Variants in ARHGEF2 observed in about 807,000 individuals in gnomAD.
The protein encoded by ARHGEF2 is rho guanine nucleotide exchange factor 2.
ARHGEF2 carries 22 observed loss-of-function variants against 121.0 expected under a neutral mutation model. That is an observed-to-expected ratio of 0.18 (90% CI 0.13 to 0.26). The LOEUF is 0.26. Among genes scored for constraint, ARHGEF2 ranks in the 10% least tolerant of loss-of-function variants. ARHGEF2 has a pLI of 1.00. For missense variants in ARHGEF2, 907 were observed against 1,336.0 expected (o/e 0.68, Z 5.01); for synonymous variants, 487 against 530.0 (o/e 0.92, Z 1.11).
At chr1:155,956,697 C>A (rs1337767345) in intron 13 of ARHGEF2, among the ~76,000 whole-genome samples, 1 of 151,756 alleles carries the variant, frequency 6.6e-6, no homozygotes, top group Non-Finnish European at 1.5e-5. Flanking sequence ...GTGGCTCATG[C>A]CTGTAATCCC....
Position 155,950,514 on chromosome 1 carries a change from C to A in ARHGEF2, c.2704-32G>T. The A allele has an allele frequency of 6.2e-7, 1 of 1,605,186 alleles. No individual in the cohort carries two copies. Among genetic ancestry groups the A allele is most frequent in the Non-Finnish European group, 8.5e-7 (1 of 1,174,064 alleles). ...ACAGTGGGCAGGAAGAACAGCAGGT[C>A]AGGGACTGAGTAGTGTGAAGATTGG... On this transcript the variant is annotated intron_variant, in intron 20 of 21. Transcript: ENST00000361247. The surrounding 1 kb of genome is among the most constrained non-coding windows in gnomAD (Gnocchi z 5.2).
chr1:155,950,503 G>C lies in ARHGEF2; in HGVS notation c.2704-21C>G. The stretch of plus-strand genomic sequence containing the variant: ...CTGGGCTGTGGACAGTGGGCAGGAA[G>C]AACAGCAGGTCAGGGACTGAGTAGT... On this transcript the variant is annotated intron_variant, in intron 20 of 21. Transcript: ENST00000361247. The surrounding 1 kb of genome is among the most constrained non-coding windows in gnomAD (Gnocchi z 5.2). 2 of 1,610,668 alleles carry C rather than the reference G, an allele frequency of 1.2e-6. No individual in the cohort carries two copies. Among genetic ancestry groups the C allele is most frequent in the Admixed American group, 1.7e-5 (1 of 60,020 alleles).
rs56298746 is a variant in ARHGEF2 at position 155,970,462 on chromosome 1, G to A, written c.64-1162C>T. 6.3e-3 allele frequency: 6,244 copies of A among 985,416 alleles called. 41 individuals are homozygous for A. Among genetic ancestry groups the A allele is most frequent in the South Asian group, 0.026 (547 of 21,282 alleles). 61.0% of individuals were successfully genotyped at this position (985,416 alleles called of 1,614,324 possible). On this transcript the variant is annotated intron_variant, in intron 1 of 21. Coordinates refer to ENST00000361247, the MANE Select transcript of ARHGEF2 (RefSeq NM_001162383.2). ...ACTCTGATCTCTGGATTTTCCCTCC[G>A]CTCTTGGAGCAGGACTAGAAGCTGA... is the stretch of plus-strand genomic sequence containing the variant.
In ARHGEF2 at chr1:155,963,163, G is replaced by A; in HGVS notation, c.745C>T (p.His249Tyr). 1 of 1,611,730 alleles carries A rather than the reference G, an allele frequency of 6.2e-7. No homozygotes were observed. Among genetic ancestry groups the A allele is most frequent in the African/African-American group, 1.3e-5 (1 of 74,958 alleles). ...ATGATCTTCAGTGTCCTCACATGGT[G>A]CAGCTCTGTCTGGATTAGCTCTGTG... ...VIYELIQTEL[H>Y]HVRTLKIMTR... The change falls in exon 8 of 22, where the codon CAC (histidine) becomes TAC (tyrosine). Residue 249 changes from histidine (H) to tyrosine (Y), a missense_variant. Physicochemically the swap from His to Tyr is moderately conservative, Grantham distance 83. Transcript: ENST00000361247.
chr1:155,955,188 C>T lies in ARHGEF2; in HGVS notation c.1716-219G>A, dbSNP rs148932889. Among the ~76,000 whole-genome samples the T allele has an allele frequency of 1.2e-4, 18 of 151,906 alleles. 1 individual carries two copies. The East Asian group carries it at 3.1e-3, about 26-fold the overall frequency. ...TGTCACCCAGGCTGGAGTGCAAGGG[C>T]GCTATCTCAGCTCACTACAACCTCC... On this transcript the variant is annotated intron_variant, in intron 13 of 21. Coordinates refer to ENST00000361247, the MANE Select transcript of ARHGEF2 (RefSeq NM_001162383.2).
intron 11 of ARHGEF2, among the ~76,000 whole-genome samples, chr1:155,960,014 C>T (rs1401875237): frequency 1.3e-5 from 2 of 152,126 alleles, no homozygotes; most frequent in East Asian, 3.8e-4. Flanking sequence ...GACTGAAAGA[C>T]CATCCCTCAC....
Position 155,978,338 on chromosome 1 carries a change from C to T in ARHGEF2, c.63+27G>A, listed in dbSNP as rs772580995. 6.7e-7 allele frequency: 1 copy of T among 1,494,044 alleles called. No individual in the cohort carries two copies. The highest frequency in any genetic ancestry group is 2.6e-5 in the East Asian group (1 of 37,884). The allele number at this position is 1,494,044 out of a possible 1,614,324, so 92.5% of individuals were successfully genotyped here. On this transcript the variant is annotated intron_variant, in intron 1 of 21. Coordinates refer to ENST00000361247, the MANE Select transcript of ARHGEF2 (RefSeq NM_001162383.2). The surrounding 1 kb of genome is among the most constrained non-coding windows in gnomAD (Gnocchi z 4.1). ...TTCGGGGAGCACCCGAGGACCGCGG[C>T]GAAAGGAGAGGGGTTTCCGAGCCCA...
chr1:155,969,507 CG>C (rs1558044309), intron 1 of ARHGEF2: 1 of 1,410,384 alleles, frequency 7.1e-7, no homozygotes, highest in South Asian at 1.5e-5. Flanking sequence ...GCAGCCAGCC[CG>C]GATGGGTTCT....
chr1:155,962,521 C>T lies in ARHGEF2; in HGVS notation c.1101+72G>A. 1 of 1,586,334 alleles carries T rather than the reference C, an allele frequency of 6.3e-7. No individual in the cohort carries two copies. Among genetic ancestry groups the T allele is most frequent in the South Asian group, 1.2e-5 (1 of 86,708 alleles). On this transcript the variant is annotated intron_variant, in intron 9 of 21. Coordinates refer to ENST00000361247, the MANE Select transcript of ARHGEF2 (RefSeq NM_001162383.2). The surrounding 1 kb of genome is among the most constrained non-coding windows in gnomAD (Gnocchi z 5.8). Reference sequence around the variant, plus strand: ...CTGACCTCCATGTGGGTGCAGCTCACAGGCACTACCCCCATGAGTTGGGGA... The same window carrying T: ...CTGACCTCCATGTGGGTGCAGCTCATAGGCACTACCCCCATGAGTTGGGGA...
In ARHGEF2 at chr1:155,947,215, A is replaced by T. The variant is rs1024745780; in HGVS notation, c.*727T>A. On this transcript the variant is annotated 3_prime_UTR_variant, in exon 22 of 22. Transcript: ENST00000361247. The stretch of plus-strand genomic sequence containing the variant: ...CTCTAATTGCCTACGATCTCTTAAA[A>T]ATATAAAACACGTGCAGTTGACTTT... 5.3e-6 allele frequency: 2 copies of T among 376,836 alleles called. No individual in the cohort carries two copies. The highest frequency in any genetic ancestry group is 6.8e-5 in the Admixed American group (2 of 29,370). 23.3% of individuals were successfully genotyped at this position (376,836 alleles called of 1,614,324 possible).
intron 1 of ARHGEF2, among the ~76,000 whole-genome samples, chr1:155,976,597 T>C (rs1455782649): frequency 6.7e-6 from 1 of 148,616 alleles, no homozygotes; most frequent in Non-Finnish European, 1.5e-5. Flanking sequence ...TCCCAGTAGC[T>C]ACCTGCCCCC....
At position 155,973,764 on chromosome 1, in the gene ARHGEF2, GAAAA is replaced by G. The variant is rs1222266144; in HGVS notation, c.64-4468_64-4465del. ...CTGTCTCAAAAAAAAAAAAAGAAAA[GAAAA>G]AAGAAAGAAAGATGGGAGCAATGGC... On this transcript the variant is annotated intron_variant, in intron 1 of 21. Transcript: ENST00000361247. Among the ~76,000 whole-genome samples, 5 of 151,640 alleles carry G rather than the reference GAAAA, an allele frequency of 3.3e-5. No homozygotes were observed. In the East Asian group the frequency reaches 9.7e-4, roughly 29 times the overall value.
At chr1:155,966,671 C>T (rs1679442484) in intron 3 of ARHGEF2, 149 bp downstream of exon 3, 3 of 1,060,552 alleles carry the variant, frequency 2.8e-6, no homozygotes, top group East Asian at 4.8e-5. Context: ...CTACTTGGGG[C>T]CCGAGGCCTG....
chr1:155,966,747 A>C, intron 3 of ARHGEF2, 73 bp downstream of exon 3: 1 of 1,441,104 alleles, frequency 6.9e-7, no homozygotes, highest in Non-Finnish European at 9.8e-7. Context: ...GTAGGGAATG[A>C]ATGGAAAAGG....
Position 155,961,438 on chromosome 1 carries a change from C to T in ARHGEF2, c.1468+223G>A, listed in dbSNP as rs539750711. Among the ~76,000 whole-genome samples, 10 of 152,152 alleles carry T rather than the reference C, an allele frequency of 6.6e-5. No homozygotes were observed. Among genetic ancestry groups the T allele is most frequent in the African/African-American group, 2.2e-4 (9 of 41,510 alleles). On this transcript the variant is annotated intron_variant, in intron 11 of 21. Coordinates refer to ENST00000361247, the MANE Select transcript of ARHGEF2 (RefSeq NM_001162383.2). This position sits in a 1 kb window ranked among gnomAD's most constrained non-coding sequence, Gnocchi z 4.7. Reference sequence around the variant, plus strand: ...TATAGGCGCCCACCACCACGCCCGGCGAATTTTTTGTATTTTCAGTAGAGA... The same window carrying T: ...TATAGGCGCCCACCACCACGCCCGGTGAATTTTTTGTATTTTCAGTAGAGA...
At chr1:155,978,584 G>A (rs947295709), upstream of ARHGEF2, 18 of 1,267,434 alleles carry the variant, frequency 1.4e-5, no homozygotes, top group Middle Eastern at 2.9e-4. The surrounding 1 kb of genome is among the most constrained non-coding windows in gnomAD (Gnocchi z 4.1). Context: ...CCTCAAACCC[G>A]AGTCTCCTCC....
chr1:155,956,247 T>A (rs1466489315), intron 13 of ARHGEF2, among the ~76,000 whole-genome samples: 1 of 151,978 alleles, frequency 6.6e-6, no homozygotes, highest in African/African-American at 2.4e-5. Context: ...TACAAGCTTA[T>A]GCCACCACGC....
chr1:155,956,226 G>A (rs1210690565), intron 13 of ARHGEF2, among the ~76,000 whole-genome samples: 1 of 151,916 alleles, frequency 6.6e-6, no homozygotes, highest in African/African-American at 2.4e-5. Context: ...AGCTTCCCGC[G>A]TAACTGGGAT....
At chr1:155,956,377 G>A (rs1676677821) in intron 13 of ARHGEF2, among the ~76,000 whole-genome samples, 1 of 152,038 alleles carries the variant, frequency 6.6e-6, no homozygotes, top group Non-Finnish European at 1.5e-5. Context: ...GGGATTACAG[G>A]CGTGAGCCAC....
Sources: gnomAD v4.1 joint callset for allele counts (sites outside exome capture counted in the v4.1 genomes callset) on GRCh38, gnomAD v4.1.1 for gene constraint, Gnocchi (gnomAD v3.1) non-coding constraint, MANE v1.5 for transcripts, NCBI Gene and HGNC (gene_info 2026-07-23, HGNC 2026-07-21) for gene names.